The following NCALD variants were observed in gnomAD, a reference collection of about 807,000 sequenced individuals.
NCALD encodes the protein neurocalcin delta, also known as neurocalcin-delta.
NCALD carries 10 observed loss-of-function variants against 18.6 expected under a neutral mutation model. The ratio of observed to expected loss-of-function variants is 0.54; its 90% CI spans 0.33 to 0.91. The LOEUF (loss-of-function observed/expected upper bound fraction) is 0.91, where lower values mean the gene tolerates loss of function less well. Among genes scored for constraint, NCALD ranks in the 40% least tolerant of loss-of-function variants. NCALD has a pLI of 0.03. For missense variants in NCALD, 184 were observed against 247.6 expected, an observed-to-expected ratio of 0.74 and a Z score of 1.72; for synonymous variants, 88 against 87.4, an observed-to-expected ratio of 1.01 and a Z score of -0.04.
intron 3 of NCALD, among the ~76,000 whole-genome samples, chr8:101,891,992 G>C (rs879100267): frequency 1.3e-5 from 2 of 152,214 alleles, no homozygotes; most frequent in East Asian, 1.9e-4. Flanking sequence ...CAGGAAGCTC[G>C]AACTGGGTGG....
intron 4 of NCALD, among the ~76,000 whole-genome samples, chr8:101,798,665 T>C (rs536901342): frequency 9.2e-5 from 14 of 152,190 alleles, no homozygotes; most frequent in South Asian, 2.1e-4. Flanking sequence ...TATTCTGAAA[T>C]TTATTTTGAA....
At chr8:101,861,595 C>T (rs1815545131) in intron 4 of NCALD, among the ~76,000 whole-genome samples, 1 of 151,460 alleles carries the variant, frequency 6.6e-6, no homozygotes, top group Admixed American at 6.6e-5. Flanking sequence ...TACAAGTGCC[C>T]TACCTCAAGA....
At chr8:102,088,415 G>T (rs940716537) in intron 1 of NCALD, among the ~76,000 whole-genome samples, 2 of 152,274 alleles carry the variant, frequency 1.3e-5, no homozygotes, top group African/African-American at 4.8e-5. Flanking sequence ...GGCTAAAGAT[G>T]AATAATAAAA....
rs757449753 is a variant in NCALD, at chr8:102,111,632, G to A, written c.-210+12605C>T. On this transcript the variant is annotated intron_variant, in intron 1 of 6. Coordinates refer to the NCALD transcript ENST00000311028. The stretch of plus-strand genomic sequence containing the variant: ...ATTAAAAAGTTTTAAATAACAACAC[G>A]TTAAAGTCCATCTCTCCTCTCAAAC... Among the ~76,000 whole-genome samples the A allele has an allele frequency of 2.0e-4, 30 of 152,178 alleles. No individual in the cohort carries two copies. In the Middle Eastern group the frequency reaches 0.01, roughly 52 times the overall value.
intron 2 of NCALD, among the ~76,000 whole-genome samples, chr8:101,919,843 C>T (rs1305598536): frequency 2.6e-5 from 4 of 152,176 alleles, no homozygotes; most frequent in Non-Finnish European, 5.9e-5. Context: ...TACCATCTCA[C>T]ACCAGTTAGA....
At chr8:101,803,906 T>A (rs1038521130) in intron 4 of NCALD, among the ~76,000 whole-genome samples, 3 of 152,110 alleles carry the variant, frequency 2.0e-5, no homozygotes, top group Admixed American at 2.0e-4. Context: ...CTACTATGGG[T>A]AAATGCCATC....
chr8:102,077,621 C>T (rs1381836461), intron 1 of NCALD, among the ~76,000 whole-genome samples: 2 of 152,196 alleles, frequency 1.3e-5, no homozygotes, highest in South Asian at 2.1e-4. Flanking sequence ...CCTTCCCCTT[C>T]TCATGAAATC....
chr8:101,697,910 T>C (rs547319018), intron 2 of NCALD, among the ~76,000 whole-genome samples: 1 of 152,294 alleles, frequency 6.6e-6, no homozygotes, highest in Non-Finnish European at 1.5e-5. Context: ...TCACCACTCC[T>C]ATTCAACATA....
At position 101,892,182 on chromosome 8, in the gene NCALD, C is replaced by T. The variant is rs989370949; in HGVS notation, c.-106-4955G>A. Among the ~76,000 whole-genome samples, 67 of 150,140 alleles carry T rather than the reference C, an allele frequency of 4.5e-4. 1 individual carries two copies. Among genetic ancestry groups the T allele is most frequent in the East Asian group, 1.7e-3 (9 of 5,160 alleles). On this transcript the variant is annotated intron_variant, in intron 3 of 6. Coordinates refer to the NCALD transcript ENST00000311028. The stretch of plus-strand genomic sequence containing the variant: ...TGGAGATCTGAGAACCGGCAGACTG[C>T]CTCCTCAAGTGGGTCCCTGACCCCT...
At chr8:102,027,761 A>G (rs1338282942) in intron 1 of NCALD, among the ~76,000 whole-genome samples, 4 of 152,222 alleles carry the variant, frequency 2.6e-5, no homozygotes, top group African/African-American at 9.7e-5. Context: ...ATTGACTCAC[A>G]GTTATGCAGG....
intron 3 of NCALD, among the ~76,000 whole-genome samples, chr8:101,913,736 C>A (rs768418597): frequency 6.6e-6 from 1 of 152,180 alleles, no homozygotes; most frequent in East Asian, 1.9e-4. Flanking sequence ...GCATGCACCA[C>A]CACGCCCAGC....
At chr8:102,081,550 A>ACAAAGC (rs749809922) in intron 1 of NCALD, among the ~76,000 whole-genome samples, 1 of 113,624 alleles carries the variant, frequency 8.8e-6, no homozygotes, top group African/African-American at 3.2e-5. Context: ...AATGGTAAAA[A>ACAAAGC]AAAAAAAAAA....
At chr8:102,075,529 T>A (rs1258821060) in intron 1 of NCALD, among the ~76,000 whole-genome samples, 1 of 152,248 alleles carries the variant, frequency 6.6e-6, no homozygotes, top group African/African-American at 2.4e-5. Context: ...TAATTATTTA[T>A]TGCATCTCTT....
At chr8:101,985,878 T>G (rs1163001286) in intron 2 of NCALD, among the ~76,000 whole-genome samples, 1 of 152,100 alleles carries the variant, frequency 6.6e-6, no homozygotes, top group Non-Finnish European at 1.5e-5. Flanking sequence ...CTTGGAAGCC[T>G]TAGGGACTCT....
intron 2 of NCALD, among the ~76,000 whole-genome samples, chr8:101,953,871 T>TG: frequency 6.6e-6 from 1 of 152,352 alleles, no homozygotes; most frequent in African/African-American, 2.4e-5. Flanking sequence ...CTGTGGGCTT[T>TG]GGGAGCTGAT....
intron 2 of NCALD, among the ~76,000 whole-genome samples, chr8:101,916,882 G>A (rs1441566757): frequency 6.6e-6 from 1 of 152,042 alleles, no homozygotes; most frequent in Non-Finnish European, 1.5e-5. Flanking sequence ...CCTACAAAAA[G>A]ACTCACACAG....
intron 1 of NCALD, among the ~76,000 whole-genome samples, chr8:101,773,565 G>C (rs1367750952): frequency 6.6e-6 from 1 of 152,122 alleles, no homozygotes; most frequent in African/African-American, 2.4e-5. Flanking sequence ...CTGCACCTGA[G>C]CATCACCTAG....
At chr8:101,798,401 G>T in intron 4 of NCALD, among the ~76,000 whole-genome samples, 1 of 152,128 alleles carries the variant, frequency 6.6e-6, no homozygotes. Context: ...AAAATACAGT[G>T]CCATTTACAA....
At chr8:101,813,221 C>T (rs753247405) in intron 4 of NCALD, among the ~76,000 whole-genome samples, 1 of 152,068 alleles carries the variant, frequency 6.6e-6, no homozygotes, top group African/African-American at 2.4e-5. Context: ...TACAGAAGGG[C>T]TCCCTAAGGA....
Sources: allele counts gnomAD v4.1 joint callset (sites outside exome capture counted in the v4.1 genomes callset), GRCh38; gene constraint gnomAD v4.1.1; transcripts MANE v1.5; gene names NCBI Gene and HGNC (gene_info 2026-07-23, HGNC 2026-07-21).